RPS6KC1: variants seen among roughly 807,000 people sequenced by gnomAD.
The protein encoded by RPS6KC1 is ribosomal protein S6 kinase C1.
Under a neutral mutation model 103.8 loss-of-function variants are expected in RPS6KC1, and 54 were observed. The observed-to-expected ratio is 0.52, with a 90% CI of 0.42 to 0.65. The LOEUF is 0.65. Among genes scored for constraint, RPS6KC1 ranks in the 30% least tolerant of loss-of-function variants. The probability of loss-of-function intolerance (pLI) is 0.00; values close to 1 mark genes in which losing one functional copy is unlikely to be tolerated. For missense variants in RPS6KC1, 1,151 were observed against 1,253.8 expected (o/e 0.92, Z 1.24); for synonymous variants, 439 against 438.7 (o/e 1.00, Z -0.01).
chr1:213,378,059 C>T, the RPS6KC1 span, among the ~76,000 whole-genome samples: 1 of 152,222 alleles, frequency 6.6e-6, no homozygotes, highest in Non-Finnish European at 1.5e-5. Context: ...TAGGGCAGCT[C>T]TGAGGGCCCT....
chr1:213,591,112 G>C, the RPS6KC1 span, among the ~76,000 whole-genome samples: 1 of 152,116 alleles, frequency 6.6e-6, no homozygotes, highest in East Asian at 1.9e-4. Context: ...CACCGGGCAC[G>C]ATGCCTTTCT....
chr1:213,071,138 C>A (rs2078832751), intron 2 of RPS6KC1, 97 bp downstream of exon 2: 1 of 689,258 alleles, frequency 1.5e-6, no homozygotes. Context: ...ACATCAACCT[C>A]TTTTTTTTGA....
the RPS6KC1 span, among the ~76,000 whole-genome samples, chr1:213,416,811 C>T: frequency 3.3e-5 from 5 of 152,282 alleles, no homozygotes; most frequent in East Asian, 9.7e-4. Context: ...CTCTTCCTGC[C>T]ATGCCCTTGA....
chr1:213,808,790 C>T, the RPS6KC1 span, among the ~76,000 whole-genome samples: 1 of 152,232 alleles, frequency 6.6e-6, no homozygotes, highest in Non-Finnish European at 1.5e-5. Flanking sequence ...CACCCACTGA[C>T]CTGCGCCCAC....
At chr1:213,320,288 C>T in the RPS6KC1 span, among the ~76,000 whole-genome samples, 6 of 152,316 alleles carry the variant, frequency 3.9e-5, no homozygotes, top group East Asian at 3.9e-4. Flanking sequence ...ATATTTATCA[C>T]GAAGAGAACT....
intron 1 of RPS6KC1, among the ~76,000 whole-genome samples, chr1:213,056,855 CTT>C (rs75002124): frequency 3.2e-4 from 41 of 129,038 alleles, no homozygotes; most frequent in Admixed American, 6.3e-4. Context: ...TTCCGGGAAG[CTT>C]TTTTTTTTTT....
At chr1:213,271,974 A>G (rs898559637) in intron 14 of RPS6KC1, among the ~76,000 whole-genome samples, 1 of 152,176 alleles carries the variant, frequency 6.6e-6, no homozygotes, top group Non-Finnish European at 1.5e-5. Context: ...ATTTCTGAAG[A>G]AACCAAAACT....
At chr1:213,154,430 G>A (rs2089631778) in intron 6 of RPS6KC1, among the ~76,000 whole-genome samples, 1 of 152,230 alleles carries the variant, frequency 6.6e-6, no homozygotes, top group Non-Finnish European at 1.5e-5. Context: ...TCTACCCGGT[G>A]TTATCTTGTA....
At chr1:213,167,801 T>G in intron 6 of RPS6KC1, 57 bp from the exon 7 acceptor site, 1 of 1,065,902 alleles carries the variant, frequency 9.4e-7, no homozygotes, top group Non-Finnish European at 1.4e-6. Context: ...AGGAAGTTAA[T>G]TTTCAGGTTG....
chr1:213,146,422 A>G (rs777681374), intron 6 of RPS6KC1, among the ~76,000 whole-genome samples: 6 of 149,974 alleles, frequency 4.0e-5, no homozygotes, highest in Non-Finnish European at 8.9e-5. Context: ...GTGGGATTGC[A>G]ATTTTTTTTT....
At chr1:213,226,679 T>G (rs919135359) in intron 8 of RPS6KC1, among the ~76,000 whole-genome samples, 1 of 152,214 alleles carries the variant, frequency 6.6e-6, no homozygotes, top group African/African-American at 2.4e-5. Context: ...TGTACAATGC[T>G]GTATTGAAAG....
the RPS6KC1 span, among the ~76,000 whole-genome samples, chr1:213,746,590 A>G: frequency 6.6e-6 from 1 of 152,188 alleles, no homozygotes; most frequent in Non-Finnish European, 1.5e-5. Flanking sequence ...AAGCAGTGGA[A>G]TGGCACAATC....
At chr1:213,712,331 A>G in the RPS6KC1 span, among the ~76,000 whole-genome samples, 3 of 152,190 alleles carry the variant, frequency 2.0e-5, no homozygotes, top group Admixed American at 2.0e-4. Context: ...AAAACCACCT[A>G]CTCAACCCTC....
chr1:213,852,735 G>C, the RPS6KC1 span, among the ~76,000 whole-genome samples: 12 of 152,148 alleles, frequency 7.9e-5, no homozygotes. Context: ...AACACACACA[G>C]AGAAAGGCAG....
the RPS6KC1 span, among the ~76,000 whole-genome samples, chr1:213,734,774 A>G: frequency 6.6e-6 from 1 of 152,230 alleles, no homozygotes; most frequent in African/African-American, 2.4e-5. Context: ...TAAATAATTA[A>G]TATTTGAGCT....
the RPS6KC1 span, among the ~76,000 whole-genome samples, chr1:213,289,376 C>T: frequency 6.7e-6 from 1 of 150,132 alleles, no homozygotes; most frequent in South Asian, 2.1e-4. Context: ...ATTTTTTTTC[C>T]ACGACTTTTT....
the RPS6KC1 span, among the ~76,000 whole-genome samples, chr1:213,754,344 A>T: frequency 2.0e-5 from 3 of 152,162 alleles, no homozygotes; most frequent in South Asian, 2.1e-4. Context: ...GCATAATCTA[A>T]CTTAAATTCC....
At chr1:213,613,398 T>C in the RPS6KC1 span, among the ~76,000 whole-genome samples, 1 of 152,238 alleles carries the variant, frequency 6.6e-6, no homozygotes, top group Non-Finnish European at 1.5e-5. Flanking sequence ...TAGAGTCATG[T>C]TTCCTGGAGC....
At chr1:213,593,716 G>A in the RPS6KC1 span, among the ~76,000 whole-genome samples, 1 of 152,066 alleles carries the variant, frequency 6.6e-6, no homozygotes, top group African/African-American at 2.4e-5. Context: ...AGGAGAGGAG[G>A]AGAGTTTGTT....
Sources: gnomAD v4.1 joint callset for allele counts (sites outside exome capture counted in the v4.1 genomes callset) on GRCh38, gnomAD v4.1.1 for gene constraint, MANE v1.5 for transcripts, NCBI Gene and HGNC (gene_info 2026-07-23, HGNC 2026-07-21) for gene names.